The following ZNF382 variants were observed in gnomAD, a reference collection of about 807,000 sequenced individuals.
ZNF382 encodes the protein zinc finger protein 382.
In ZNF382, 20 loss-of-function variants were observed where a neutral mutation model predicts 38.8. That is an observed-to-expected ratio of 0.51 (90% CI 0.36 to 0.75). The LOEUF (loss-of-function observed/expected upper bound fraction) is 0.75, where lower values mean the gene tolerates loss of function less well. Ranked by LOEUF, ZNF382 falls within the 30% of genes least tolerant of loss-of-function variation. The pLI, the probability that ZNF382 is intolerant of heterozygous loss-of-function variation, is 0.00. For synonymous variants in ZNF382, 202 were observed against 223.1 expected, an observed-to-expected ratio of 0.91 and a Z score of 0.84; for missense variants, 546 against 654.1, an observed-to-expected ratio of 0.83 and a Z score of 1.80.
chr19:36,627,273 C>T lies in ZNF382; in HGVS notation c.1376C>T (p.Thr459Met), dbSNP rs751264916. ...CTCACTCTCCACCAGAGAATTCACA[C>T]GGGGGAAAAACCCTATATTTGTAAT... ...TTLTLHQRIH[T>M]GEKPYICNEC... Residue 459 changes from threonine (T) to methionine (M), a missense_variant, in exon 5 of 5, where the codon ACG becomes ATG. Physicochemically the swap from Thr to Met is moderately conservative, Grantham distance 81. Coordinates refer to ENST00000292928, the MANE Select transcript of ZNF382 (RefSeq NM_032825.5). The T allele has an allele frequency of 1.6e-5, 25 of 1,611,028 alleles. No individual in the cohort carries two copies. The highest frequency in any genetic ancestry group is 3.4e-5 in the Admixed American group (2 of 59,648).
chr19:36,621,591 T>TACACACACAC (rs34609656), intron 4 of ZNF382, among the ~76,000 whole-genome samples: 2 of 145,294 alleles, frequency 1.4e-5, no homozygotes, highest in East Asian at 2.0e-4. Context: ...TAGAAAAAAA[T>TACACACACAC]ACACACACAC....
intron 2 of ZNF382, chr19:36,608,152 C>T (rs2037049517): frequency 6.6e-6 from 1 of 152,452 alleles, no homozygotes; most frequent in Admixed American, 6.5e-5. Context: ...TGCAATGGTA[C>T]GTTGGGAAAT....
chr19:36,616,492 A>G (rs944363773), intron 4 of ZNF382, among the ~76,000 whole-genome samples: 2 of 152,230 alleles, frequency 1.3e-5, no homozygotes, highest in African/African-American at 4.8e-5. Context: ...TATAACTTTC[A>G]TTCTAAAATG....
In ZNF382 at chr19:36,627,005, C is replaced by T. The variant is rs749359129; in HGVS notation, c.1108C>T (p.His370Tyr). Reference protein sequence around the residue: ...SFRQKATLTRHHKTHTGEKAY... With the variant: ...SFRQKATLTRYHKTHTGEKAY... Reference sequence around the variant, plus strand: ...CCGCCAGAAGGCCACCCTCACTAGACATCACAAAACACATACGGGGGAGAA... The same window carrying T: ...CCGCCAGAAGGCCACCCTCACTAGATATCACAAAACACATACGGGGGAGAA... Residue 370 changes from histidine to tyrosine, a missense_variant, in exon 5 of 5, where the codon CAT (histidine) becomes TAT (tyrosine). His to Tyr is a moderately conservative substitution (Grantham distance 83, BLOSUM62 2). Coordinates refer to ENST00000292928, the MANE Select transcript of ZNF382 (RefSeq NM_032825.5). 2 of 1,613,976 alleles carry T rather than the reference C, an allele frequency of 1.2e-6. No individual in the cohort carries two copies. Among genetic ancestry groups the T allele is most frequent in the Non-Finnish European group, 1.7e-6 (2 of 1,179,972 alleles).
chr19:36,622,845 A>T (rs1337950228), intron 4 of ZNF382, among the ~76,000 whole-genome samples: 1 of 152,180 alleles, frequency 6.6e-6, no homozygotes, highest in Non-Finnish European at 1.5e-5. Flanking sequence ...ATTCTTTACC[A>T]CACAATACTA....
intron 1 of ZNF382, 101 bp downstream of exon 1, chr19:36,605,448 T>C (rs1600383649): frequency 2.0e-5 from 3 of 152,338 alleles, no homozygotes; most frequent in Admixed American, 2.0e-4. Context: ...GCCAGGGAGG[T>C]AACCAAGAGT....
At chr19:36,607,262 A>G (rs182637172) in intron 1 of ZNF382, among the ~76,000 whole-genome samples, 40 of 152,256 alleles carry the variant, frequency 2.6e-4, no homozygotes, top group African/African-American at 8.7e-4. Context: ...GGTTAGAGGT[A>G]GATGGAAGGC....
chr19:36,633,743 AC>A lies in ZNF382; in HGVS notation c.*6194del, dbSNP rs1275130856. The A allele has an allele frequency of 5.3e-5, 8 of 152,212 alleles. No individual in the cohort carries two copies. The highest frequency in any genetic ancestry group is 1.9e-4 in the African/African-American group (8 of 41,452). The allele number at this position is 152,212 out of a possible 1,614,324, so 9.4% of individuals were successfully genotyped here. A position where few individuals can be genotyped will look rare whatever the true frequency, so the allele number is the denominator to read the frequency against. On this transcript the variant is annotated 3_prime_UTR_variant, in exon 5 of 5. Transcript: ENST00000292928. ...CATTCCCAAGATGGAATTCTACTCA[AC>A]GATAACAATAATGAGCTACTGAAAC...
At chr19:36,611,182 C>T (rs970849342) in intron 4 of ZNF382, among the ~76,000 whole-genome samples, 1 of 152,108 alleles carries the variant, frequency 6.6e-6, no homozygotes, top group African/African-American at 2.4e-5. Flanking sequence ...CCCAGCTACT[C>T]AGGAGGCTGA....
chr19:36,622,111 T>A (rs1028998917), intron 4 of ZNF382, among the ~76,000 whole-genome samples: 2 of 151,656 alleles, frequency 1.3e-5, no homozygotes, highest in African/African-American at 4.8e-5. Context: ...AACGTCCGCC[T>A]CCCAGGTTCA....
At position 36,629,008 on chromosome 19, in the gene ZNF382, C is replaced by T. The variant is rs1274696392; in HGVS notation, c.*1458C>T. The T allele has an allele frequency of 7.1e-6, 1 of 140,498 alleles. No homozygotes were observed. The highest frequency in any genetic ancestry group is 2.7e-5 in the African/African-American group (1 of 36,858). 8.7% of individuals were successfully genotyped at this position (140,498 alleles called of 1,614,324 possible). On this transcript the variant is annotated 3_prime_UTR_variant, in exon 5 of 5. Transcript: ENST00000292928. ...ACAGAATCTTGCTCTGTCACCCAGG[C>T]GGGAGTGCAGTGGCATGATCTTGGC...
In ZNF382 at chr19:36,609,972, G is replaced by A; in HGVS notation, c.58G>A (p.Glu20Lys). ...KDVTVDFTQE[E>K]WQQLDPAQKA... is the part of the protein sequence containing the mutation. ...TGTGACTGTGGACTTCACCCAGGAG[G>A]AGTGGCAGCAACTAGACCCTGCTCA... Residue 20 changes from glutamate to lysine, a missense_variant, in exon 3 of 5, where the codon GAG becomes AAG. Glu to Lys is a moderately conservative substitution (Grantham distance 56). Transcript: ENST00000292928. The A allele has an allele frequency of 6.2e-7, 1 of 1,614,022 alleles. No homozygotes were observed. The highest frequency in any genetic ancestry group is 1.1e-5 in the South Asian group (1 of 91,076).
chr19:36,620,741 T>C (rs1264347756), intron 4 of ZNF382, among the ~76,000 whole-genome samples: 2 of 152,170 alleles, frequency 1.3e-5, no homozygotes, highest in Admixed American at 6.5e-5. Context: ...CTTATTTGTT[T>C]ATTCTTTTGT....
Position 36,626,356 on chromosome 19 carries a change from TATA to T in ZNF382, c.461_463del (p.Ile154del). The stretch of plus-strand genomic sequence containing the variant: ...ATATTTCAGAACTAGTCATTAGAAA[TATA>T]AGCCCCATAAAAGAGAAGTTTGGTG... On this transcript the variant is annotated inframe_deletion, in exon 5 of 5. Transcript: ENST00000292928. The T allele has an allele frequency of 1.9e-6, 3 of 1,580,672 alleles. No individual in the cohort carries two copies. The South Asian group carries it at 3.6e-5, about 19-fold the overall frequency.
rs2037232075 is a variant in ZNF382, at chr19:36,628,366, AC to A, written c.*817del. 2 of 152,682 alleles carry A rather than the reference AC, an allele frequency of 1.3e-5. No individual in the cohort carries two copies. The highest frequency in any genetic ancestry group is 1.3e-4 in the Admixed American group (2 of 15,270). 9.5% of individuals were successfully genotyped at this position (152,682 alleles called of 1,614,324 possible). ...AGAGCATGTGTGTATTCAGTCAGAT[AC>A]TGGCAGACAATTCAGAACTTTCACC... On this transcript the variant is annotated 3_prime_UTR_variant, in exon 5 of 5. Transcript: ENST00000292928.
chr19:36,627,403 T>A lies in ZNF382; in HGVS notation c.1506T>A (p.Ser502Arg). ...NGCPQCGKAF[S>R]RKSNLIRHQK... Reference sequence around the variant, plus strand: ...GTCCTCAGTGTGGGAAAGCCTTCAGTAGGAAATCAAACCTCATTCGCCATC... The same window carrying A: ...GTCCTCAGTGTGGGAAAGCCTTCAGAAGGAAATCAAACCTCATTCGCCATC... Residue 502 changes from serine to arginine, a missense_variant, in exon 5 of 5, where the codon AGT becomes AGA. By Grantham distance (110) the Ser-to-Arg change is moderately radical. Coordinates refer to ENST00000292928, the MANE Select transcript of ZNF382 (RefSeq NM_032825.5). The A allele has an allele frequency of 1.9e-6, 3 of 1,613,838 alleles. No homozygotes were observed. Among genetic ancestry groups the A allele is most frequent in the Non-Finnish European group, 2.5e-6 (3 of 1,179,950 alleles).
chr19:36,616,837 A>G (rs3096632), intron 4 of ZNF382, among the ~76,000 whole-genome samples: 49,391 of 151,864 alleles, frequency 0.33, 8,400 homozygotes, highest in South Asian at 0.42. Context: ...AGTGCCCCCA[A>G]TGTGGGGCAG....
At chr19:36,623,539 C>G (rs2037186018) in intron 4 of ZNF382, among the ~76,000 whole-genome samples, 1 of 152,090 alleles carries the variant, frequency 6.6e-6, no homozygotes, top group African/African-American at 2.4e-5. Context: ...CCTGTAATCT[C>G]AGCATTTTGG....
At position 36,627,691 on chromosome 19, in the gene ZNF382, C is replaced by A; in HGVS notation, c.*141C>A. On this transcript the variant is annotated 3_prime_UTR_variant, in exon 5 of 5. Coordinates refer to ENST00000292928, the MANE Select transcript of ZNF382 (RefSeq NM_032825.5). ...TTTGCCAGCCTGTAAAACACACACA[C>A]ACACACACACACACACACAAATATT... is the stretch of plus-strand genomic sequence containing the variant. 1 of 559,198 alleles carries A rather than the reference C, an allele frequency of 1.8e-6. No homozygotes were observed. The highest frequency in any genetic ancestry group is 3.1e-6 in the Non-Finnish European group (1 of 318,574). The allele number at this position is 559,198 out of a possible 1,614,324, so 34.6% of individuals were successfully genotyped here.
Sources: gnomAD v4.1 joint callset for allele counts (sites outside exome capture counted in the v4.1 genomes callset) on GRCh38, gnomAD v4.1.1 for gene constraint, MANE v1.5 for transcripts, NCBI Gene and HGNC (gene_info 2026-07-23, HGNC 2026-07-21) for gene names.